The following FKBP11 variants were observed in gnomAD, a reference collection of about 807,000 sequenced individuals.
FKBP11 encodes the protein FKBP prolyl isomerase 11, also known as peptidyl-prolyl cis-trans isomerase FKBP11.
Under a neutral mutation model 24.7 loss-of-function variants are expected in FKBP11, and 21 were observed. That is an observed-to-expected ratio of 0.85 (90% CI 0.60 to 1.23). FKBP11 has a LOEUF of 1.23. Among genes scored for constraint, FKBP11 ranks in the 50% most tolerant of loss-of-function variants. The probability of loss-of-function intolerance (pLI) is 0.00; values close to 1 mark genes in which losing one functional copy is unlikely to be tolerated. For synonymous variants in FKBP11, 106 were observed against 100.6 expected (o/e 1.05, Z -0.32); for missense variants, 245 against 248.7 (o/e 0.99, Z 0.10).
the FKBP11 span, chr12:48,938,276 AG>A: frequency 1.5e-5 from 6 of 408,352 alleles, no homozygotes; most frequent in East Asian, 4.4e-4. Flanking sequence ...ACCTGCAGAG[AG>A]GAGGGTAACC....
intron 4 of FKBP11, 121 bp downstream of exon 4, chr12:48,924,102 C>A: frequency 1.7e-6 from 2 of 1,206,608 alleles, no homozygotes; most frequent in Non-Finnish European, 2.4e-6. Flanking sequence ...TGACCTGGAC[C>A]TGTCCAGTGG....
chr12:48,923,637 CT>C, intron 5 of FKBP11, 144 bp downstream of exon 5: 1 of 1,564,366 alleles, frequency 6.4e-7, no homozygotes. Context: ...AAAGGTGGCC[CT>C]GTAGATGGAG....
Position 48,925,026 on chromosome 12 carries a change from C to G in FKBP11, c.195+20G>C, listed in dbSNP as rs201837801. On this transcript the variant is annotated intron_variant, in intron 2 of 5. Transcript: ENST00000550765. Reference sequence around the variant, plus strand: ...CGCCGCCCCCTCCCAGGCCCCGCCCCGGCCCCCCAGACCCCTCACCGTGTA... The same window carrying G: ...CGCCGCCCCCTCCCAGGCCCCGCCCGGGCCCCCCAGACCCCTCACCGTGTA... 1.9e-6 allele frequency: 3 copies of G among 1,595,146 alleles called. No homozygotes were observed. Among genetic ancestry groups the G allele is most frequent in the East Asian group, 4.5e-5 (2 of 44,632 alleles).
intron 4 of FKBP11, 123 bp downstream of exon 4, chr12:48,924,096 CTGGA>C: frequency 1.7e-6 from 2 of 1,167,178 alleles, no homozygotes; most frequent in Non-Finnish European, 2.5e-6. Flanking sequence ...TCCCACTGAC[CTGGA>C]CCTGTCCAGT....
upstream of FKBP11, chr12:48,931,388 T>C (rs1940048723): frequency 6.5e-7 from 1 of 1,534,162 alleles, no homozygotes; most frequent in East Asian, 2.4e-5. Context: ...AGGGCAAAAC[T>C]ATTAAACACA....
the FKBP11 span, chr12:48,938,369 G>A: frequency 1.3e-4 from 57 of 454,202 alleles, no homozygotes; most frequent in East Asian, 4.9e-4. Flanking sequence ...AGGGGCAGAT[G>A]ACAGGCTCCA....
the FKBP11 span, chr12:48,938,240 A>G: frequency 5.4e-6 from 2 of 368,252 alleles, no homozygotes; most frequent in South Asian, 3.9e-5. Context: ...AGAATCCATC[A>G]TCTGTCCTAT....
At chr12:48,922,430 C>A in intron 5 of FKBP11, 1 of 765,926 alleles carries the variant, frequency 1.3e-6, no homozygotes, top group Non-Finnish European at 1.8e-6. Flanking sequence ...GGTCCAGTGA[C>A]AAGTCTTTGA....
rs1484186111 is a variant in FKBP11, at chr12:48,923,846, C to T, written c.324G>A (p.Lys108=). Residue 108 remains lysine (K), a synonymous_variant, in exon 5 of 6, where the codon AAG becomes AAA. Transcript: ENST00000550765. ...AGTGAGAAGGAATGATTGCCCTTCG[C>T]TTCTCTCTGAGGGAAGGAATGTCAG... ...QSLLDMCVGE[K]RRAIIPSHLA... The T allele has an allele frequency of 6.2e-7, 1 of 1,614,162 alleles. No individual in the cohort carries two copies. The highest frequency in any genetic ancestry group is 1.1e-5 in the South Asian group (1 of 91,082).
chr12:48,924,827 A>C, intron 2 of FKBP11, 179 bp from the exon 3 acceptor site: 1 of 1,449,216 alleles, frequency 6.9e-7, no homozygotes, highest in African/African-American at 1.4e-5. Context: ...AGATCTCTCC[A>C]CCCTGCACTT....
upstream of FKBP11, among the ~76,000 whole-genome samples, chr12:48,930,262 G>T (rs1279210026): frequency 1.3e-5 from 2 of 152,168 alleles, no homozygotes; most frequent in Admixed American, 6.5e-5. Flanking sequence ...TAACAGATGT[G>T]ATATGAGCCC....
At chr12:48,924,385 A>G (rs572510908) in intron 3 of FKBP11, 129 bp from the exon 4 acceptor site, 2 of 1,297,016 alleles carry the variant, frequency 1.5e-6, no homozygotes, top group African/African-American at 2.9e-5. Flanking sequence ...CTGGCTTCCA[A>G]TAGGATATGG....
At chr12:48,931,641 C>A in the FKBP11 span, 1 of 617,566 alleles carries the variant, frequency 1.6e-6, no homozygotes, top group Admixed American at 3.1e-5. Flanking sequence ...ACCACAGTAC[C>A]TGGGCTTCCA....
rs1274457235 is a variant in FKBP11 at position 48,923,832 on chromosome 12, A to G, written c.338T>C (p.Ile113Thr). The G allele has an allele frequency of 2.5e-6, 4 of 1,614,166 alleles. No individual in the cohort carries two copies. In the East Asian group the frequency reaches 8.9e-5, roughly 36 times the overall value. ...MCVGEKRRAI[I>T]PSHLAYGKRG... The stretch of plus-strand genomic sequence containing the variant: ...TTTTCCATAGGCCAAGTGAGAAGGA[A>G]TGATTGCCCTTCGCTTCTCTCTGAG... The change falls in exon 5 of 6, where the codon ATT becomes ACT. Residue 113 changes from isoleucine to threonine, a missense_variant. By Grantham distance (89) the Ile-to-Thr change is moderately conservative (BLOSUM62 -1). Transcript: ENST00000550765.
At chr12:48,933,362 G>C in the FKBP11 span, among the ~76,000 whole-genome samples, 3 of 152,188 alleles carry the variant, frequency 2.0e-5, no homozygotes, top group Admixed American at 6.5e-5. Context: ...GAAAGTGAGA[G>C]AACTGAATTC....
intron 5 of FKBP11, chr12:48,923,099 G>A: frequency 4.0e-6 from 4 of 1,005,320 alleles, no homozygotes; most frequent in Non-Finnish European, 3.9e-6. Context: ...GGTGAGTGAA[G>A]ATTGCACTAT....
At chr12:48,931,766 AC>A in the FKBP11 span, 1 of 380,026 alleles carries the variant, frequency 2.6e-6, no homozygotes, top group Non-Finnish European at 4.7e-6. Flanking sequence ...TAAGCAGAAC[AC>A]TGCTCTTTAA....
chr12:48,938,399 C>T, the FKBP11 span: 1 of 454,340 alleles, frequency 2.2e-6, no homozygotes, highest in Non-Finnish European at 4.4e-6. Flanking sequence ...GTCCTGGCTG[C>T]AAGCCCTGAG....
intron 5 of FKBP11, chr12:48,922,556 A>T (rs1288276869): frequency 2.0e-6 from 2 of 1,014,330 alleles, no homozygotes; most frequent in Non-Finnish European, 2.4e-6. Context: ...ACACGGATAG[A>T]GTCTTTGCAG....
Sources: gnomAD v4.1 joint callset for allele counts (sites outside exome capture counted in the v4.1 genomes callset) on GRCh38, gnomAD v4.1.1 for gene constraint, MANE v1.5 for transcripts, NCBI Gene and HGNC (gene_info 2026-07-23, HGNC 2026-07-21) for gene names.